The following ZNF596 variants were observed in gnomAD, a reference collection of about 807,000 sequenced individuals.
The protein encoded by ZNF596 is zinc finger protein 596.
Under a neutral mutation model 48.3 loss-of-function variants are expected in ZNF596, and 45 were observed. The ratio of observed to expected loss-of-function variants is 0.93; its 90% CI spans 0.73 to 1.19. The LOEUF is 1.19. Ranked by LOEUF, ZNF596 falls within the 50% of genes most tolerant of loss-of-function variation. The probability of loss-of-function intolerance (pLI) is 0.00; values close to 1 mark genes in which losing one functional copy is unlikely to be tolerated. For synonymous variants in ZNF596, 270 were observed against 202.0 expected, an observed-to-expected ratio of 1.34 and a Z score of -2.85; for missense variants, 848 against 599.7, an observed-to-expected ratio of 1.41 and a Z score of -4.32.
intron 1 of ZNF596, chr8:237,720 C>T (rs1192776845): frequency 3.9e-5 from 6 of 152,166 alleles, no homozygotes; most frequent in South Asian, 2.1e-4. Flanking sequence ...GTATTTCCAA[C>T]GTATGTTTTT....
At position 246,496 on chromosome 8, in the gene ZNF596, G is replaced by A; in HGVS notation, c.*134G>A. 2 of 1,163,034 alleles carry A rather than the reference G, an allele frequency of 1.7e-6. No individual in the cohort carries two copies. The highest frequency in any genetic ancestry group is 1.6e-5 in the South Asian group (1 of 61,736). The allele number at this position is 1,163,034 out of a possible 1,614,324, so 72.0% of individuals were successfully genotyped here. A position where few individuals can be genotyped will look rare whatever the true frequency, so the allele number is the denominator to read the frequency against. On this transcript the variant is annotated 3_prime_UTR_variant, in exon 6 of 6. Transcript: ENST00000398612. ...GCTCAACCTAAATGAATTCAAGGTA[G>A]AGAGAATCCAGATGTATTTAATGTT...
At chr8:235,361 G>C in intron 1 of ZNF596, among the ~76,000 whole-genome samples, 1 of 152,152 alleles carries the variant, frequency 6.6e-6, no homozygotes, top group East Asian at 1.9e-4. Flanking sequence ...TAAATAAATG[G>C]TGCATTTTAT....
At position 245,883 on chromosome 8, in the gene ZNF596, C is replaced by T; in HGVS notation, c.1036C>T (p.His346Tyr). ...ECHLCGKAFS[H>Y]CSHLRQHERS... ...TCATCTATGTGGAAAAGCCTTCTCT[C>T]ATTGTTCTCACCTTAGACAACATGA... Residue 346 changes from histidine (H) to tyrosine (Y), a missense_variant, in exon 6 of 6, where the codon CAT becomes TAT. Transcript: ENST00000398612. 1 of 1,613,320 alleles carries T rather than the reference C, an allele frequency of 6.2e-7. No homozygotes were observed. The highest frequency in any genetic ancestry group is 1.1e-5 in the South Asian group (1 of 91,002).
intron 1 of ZNF596, chr8:237,348 T>G (rs142643200): frequency 6.8e-4 from 104 of 152,298 alleles, no homozygotes; most frequent in African/African-American, 2.3e-3. Flanking sequence ...CTTATTAATA[T>G]GTACTGAATT....
rs546906447 is a variant in ZNF596 at position 241,052 on chromosome 8, A to G, written c.12+145A>G. ...TTCCCCAGGGCTTCGGAATGTTTAC[A>G]TTGGCTCAAAGAGTCATCAAGAAGT... On this transcript the variant is annotated intron_variant, in intron 2 of 5. Transcript: ENST00000398612. 92 of 1,023,854 alleles carry G rather than the reference A, an allele frequency of 9.0e-5. 1 individual carries two copies. In the Middle Eastern group the frequency reaches 2.1e-3, roughly 23 times the overall value. The allele number at this position is 1,023,854 out of a possible 1,614,324, so 63.4% of individuals were successfully genotyped here.
intron 4 of ZNF596, chr8:244,204 AT>A (rs1337172276): frequency 1.4e-5 from 3 of 214,674 alleles, no homozygotes; most frequent in African/African-American, 2.4e-5. Context: ...GGTTTCTTAA[AT>A]TTGCAGTGTT....
chr8:245,713 C>T lies in ZNF596; in HGVS notation c.866C>T (p.Thr289Ile), dbSNP rs966111241. 12 of 1,613,936 alleles carry T rather than the reference C, an allele frequency of 7.4e-6. No individual in the cohort carries two copies. The highest frequency in any genetic ancestry group is 9.3e-6 in the Non-Finnish European group (11 of 1,180,002). The part of the protein sequence containing the change: ...QICHLCGKAF[T>I]HCSDLRKHER... Reference sequence around the variant, plus strand: ...TGCCATCTATGTGGGAAAGCCTTCACTCATTGCTCTGACCTTAGAAAACAT... The same window carrying T: ...TGCCATCTATGTGGGAAAGCCTTCATTCATTGCTCTGACCTTAGAAAACAT... Residue 289 changes from threonine (T) to isoleucine (I), a missense_variant, in exon 6 of 6, where the codon ACT becomes ATT. Thr to Ile is a moderately conservative substitution (Grantham distance 89). Transcript: ENST00000398612.
At chr8:244,773 A>ACAGT in intron 5 of ZNF596, 72 bp downstream of exon 5, 8 of 1,278,070 alleles carry the variant, frequency 6.3e-6, no homozygotes, top group East Asian at 2.4e-5. Context: ...GGAATTTGGT[A>ACAGT]CAGGTACCTG....
At position 246,449 on chromosome 8, in the gene ZNF596, CTTTA is replaced by C; in HGVS notation, c.*93_*96del. 6 of 1,474,766 alleles carry C rather than the reference CTTTA, an allele frequency of 4.1e-6. No individual in the cohort carries two copies. The South Asian group carries it at 7.0e-5, about 17-fold the overall frequency. 91.4% of individuals were successfully genotyped at this position (1,474,766 alleles called of 1,614,324 possible). ...ATGTCTGTAATCAGTGTGGAAAAGC[CTTTA>C]TTTATATTTACCACTTTGCTCAACC... On this transcript the variant is annotated 3_prime_UTR_variant, in exon 6 of 6. Coordinates refer to ENST00000398612, the MANE Select transcript of ZNF596 (RefSeq NM_001042416.3).
At chr8:243,915 TCTCAC>T in intron 4 of ZNF596, 110 bp downstream of exon 4, 4 of 860,194 alleles carry the variant, frequency 4.7e-6, no homozygotes, top group African/African-American at 1.7e-5. Flanking sequence ...TTAGACAGAA[TCTCAC>T]TCTGTCACCC....
At position 246,892 on chromosome 8, in the gene ZNF596, G is replaced by C. The variant is rs1797112026; in HGVS notation, c.*530G>C. 1 of 153,800 alleles carries C rather than the reference G, an allele frequency of 6.5e-6. No homozygotes were observed. 9.5% of individuals were successfully genotyped at this position (153,800 alleles called of 1,614,324 possible). On this transcript the variant is annotated 3_prime_UTR_variant, in exon 6 of 6. Coordinates refer to ENST00000398612, the MANE Select transcript of ZNF596 (RefSeq NM_001042416.3). ...TCTTGAACAATTCCAGACATTCATA[G>C]TGGAGAAGTTATTCAATGAAAACTC...
Position 243,818 on chromosome 8 carries a change from A to G in ZNF596, c.223+13A>G. ...AGCTTACTGCAAGGTGAGCTCTAAG[A>G]AGCAGTGCTTCAATAGGAGGAGGAG... On this transcript the variant is annotated intron_variant, in intron 4 of 5. Transcript: ENST00000398612. The G allele has an allele frequency of 6.2e-7, 1 of 1,609,718 alleles. No homozygotes were observed. Among genetic ancestry groups the G allele is most frequent in the Non-Finnish European group, 8.5e-7 (1 of 1,177,292 alleles).
Position 240,475 on chromosome 8 carries a change from T to G in ZNF596, c.-72-349T>G, listed in dbSNP as rs1796808115. 2.2e-5 allele frequency: 4 copies of G among 185,154 alleles called. No homozygotes were observed. The South Asian group carries it at 4.6e-4, about 21-fold the overall frequency. The allele number at this position is 185,154 out of a possible 1,614,324, so 11.5% of individuals were successfully genotyped here. A position where few individuals can be genotyped will look rare whatever the true frequency, so the allele number is the denominator to read the frequency against. ...CACACAAACCGAGAATAATTAAATC[T>G]GAGAAATTCCAGGATTTATCTGTAG... On this transcript the variant is annotated intron_variant, in intron 1 of 5. Transcript: ENST00000398612.
intron 1 of ZNF596, among the ~76,000 whole-genome samples, chr8:238,803 G>C (rs188724473): frequency 6.6e-6 from 1 of 151,678 alleles, no homozygotes; most frequent in African/African-American, 2.4e-5. Flanking sequence ...GTGAAACTCC[G>C]CTTTAAAAAA....
chr8:244,384 T>C (rs1796974903), intron 4 of ZNF596: 1 of 525,616 alleles, frequency 1.9e-6, no homozygotes, highest in Admixed American at 3.7e-5. Context: ...CCCTTTATAA[T>C]GGTCCTCTTC....
At position 232,708 on chromosome 8, in the gene ZNF596, A is replaced by C. The variant is rs986500168; in HGVS notation, c.-73+14A>C. 5 of 392,926 alleles carry C rather than the reference A, an allele frequency of 1.3e-5. No homozygotes were observed. Among genetic ancestry groups the C allele is most frequent in the African/African-American group, 2.1e-5 (1 of 46,690 alleles). The allele number at this position is 392,926 out of a possible 1,614,324, so 24.3% of individuals were successfully genotyped here. ...GCGCGGCCTCAGGTCCCGATTCGGC[A>C]TGTGGCTTGTCTTCCATCGTCCCCA... On this transcript the variant is annotated intron_variant, in intron 1 of 5. Transcript: ENST00000398612.
intron 2 of ZNF596, among the ~76,000 whole-genome samples, chr8:242,076 G>C (rs1477992702): frequency 2.0e-5 from 3 of 152,112 alleles, no homozygotes; most frequent in African/African-American, 7.2e-5. Context: ...GATTTGGGTG[G>C]GGACACAGAG....
Position 246,609 on chromosome 8 carries a change from C to G in ZNF596, c.*247C>G. 1 of 382,882 alleles carries G rather than the reference C, an allele frequency of 2.6e-6. No individual in the cohort carries two copies. Among genetic ancestry groups the G allele is most frequent in the Non-Finnish European group, 4.6e-6 (1 of 218,076 alleles). The allele number at this position is 382,882 out of a possible 1,614,324, so 23.7% of individuals were successfully genotyped here. Reference sequence around the variant, plus strand: ...CAAAGGAATGTGGAGGAGTCTTCATCCACAGCTCTGTTAAATAAATGGGAG... The same window carrying G: ...CAAAGGAATGTGGAGGAGTCTTCATGCACAGCTCTGTTAAATAAATGGGAG... On this transcript the variant is annotated 3_prime_UTR_variant, in exon 6 of 6. Transcript: ENST00000398612.
Position 245,788 on chromosome 8 carries a change from A to C in ZNF596, c.941A>C (p.Lys314Thr). 6.2e-7 allele frequency: 1 copy of C among 1,614,140 alleles called. No individual in the cohort carries two copies. Among genetic ancestry groups the C allele is most frequent in the Non-Finnish European group, 8.5e-7 (1 of 1,180,024 alleles). ...DKPYGCLLCGKAFSKCSYLRQ... is the reference protein window; with the variant it reads ...DKPYGCLLCGTAFSKCSYLRQ... ...CCATATGGATGTCTCCTATGTGGGA[A>C]GGCTTTCAGTAAATGTTCTTACCTT... The change falls in exon 6 of 6, where the codon AAG becomes ACG. Residue 314 changes from lysine (K) to threonine (T), a missense_variant. Coordinates refer to ENST00000398612, the MANE Select transcript of ZNF596 (RefSeq NM_001042416.3).
Sources: gnomAD v4.1 joint callset for allele counts (sites outside exome capture counted in the v4.1 genomes callset) on GRCh38, gnomAD v4.1.1 for gene constraint, MANE v1.5 for transcripts, NCBI Gene and HGNC (gene_info 2026-07-23, HGNC 2026-07-21) for gene names.